The following STOX2 variants were observed in gnomAD, a reference collection of about 807,000 sequenced individuals.
STOX2 encodes the protein storkhead box 2, also known as storkhead-box protein 2.
A neutral mutation model predicts 60.9 loss-of-function variants in STOX2; 28 were observed. The observed-to-expected ratio is 0.46, with a 90% confidence interval of 0.34 to 0.63. The LOEUF (loss-of-function observed/expected upper bound fraction) is 0.63, where lower values mean the gene tolerates loss of function less well. Among genes scored for constraint, STOX2 ranks in the 30% least tolerant of loss-of-function variants. The probability of loss-of-function intolerance (pLI) is 0.01; values close to 1 mark genes in which losing one functional copy is unlikely to be tolerated. For missense variants in STOX2, 1,024 were observed against 1,187.7 expected, an observed-to-expected ratio of 0.86 and a Z score of 2.03; for synonymous variants, 472 against 463.9, an observed-to-expected ratio of 1.02 and a Z score of -0.22.
intron 1 of STOX2, among the ~76,000 whole-genome samples, chr4:183,953,965 G>T (rs531688696): frequency 6.6e-6 from 1 of 152,140 alleles, no homozygotes; most frequent in Non-Finnish European, 1.5e-5. Flanking sequence ...AGATGTATGC[G>T]ACATGAGTGA....
Position 183,985,838 on chromosome 4 carries a change from A to G in STOX2, c.167-15487A>G, listed in dbSNP as rs28572359. Among the ~76,000 whole-genome samples, 485 of 152,274 alleles carry G rather than the reference A, an allele frequency of 3.2e-3. 4 individuals are homozygous for G. The highest frequency in any genetic ancestry group is 0.011 in the African/African-American group (470 of 41,560). On this transcript the variant is annotated intron_variant, in intron 1 of 3. Coordinates refer to ENST00000308497, the MANE Select transcript of STOX2 (RefSeq NM_020225.3). ...AATACATTTGTTATATGCTTCCATC[A>G]TTGCATTCTTAAGGTGCGTGTGCTT...
intron 1 of STOX2, among the ~76,000 whole-genome samples, chr4:183,972,164 C>A (rs185899765): frequency 1.3e-4 from 20 of 152,324 alleles, no homozygotes; most frequent in African/African-American, 4.8e-4. Context: ...ACTGTGCGTG[C>A]TGGGGGAGGA....
chr4:183,997,789 T>C (rs1733409541), intron 1 of STOX2, among the ~76,000 whole-genome samples: 1 of 152,212 alleles, frequency 6.6e-6, no homozygotes, highest in South Asian at 2.1e-4. Flanking sequence ...AACATCCAAA[T>C]TCCATTTTGT....
intron 1 of STOX2, among the ~76,000 whole-genome samples, chr4:183,819,413 C>T (rs1474495795): frequency 2.0e-5 from 3 of 151,890 alleles, no homozygotes; most frequent in East Asian, 3.9e-4. Flanking sequence ...GGCATGGCGG[C>T]GCGCGCCCAC....
intron 1 of STOX2, among the ~76,000 whole-genome samples, chr4:183,807,077 A>C (rs1267275207): frequency 1.3e-5 from 2 of 151,822 alleles, no homozygotes; most frequent in Admixed American, 6.6e-5. Flanking sequence ...GGTTCACGCC[A>C]TTCTCCTGCT....
intron 1 of STOX2, among the ~76,000 whole-genome samples, chr4:183,802,910 C>T (rs930465567): frequency 2.8e-4 from 43 of 152,136 alleles, no homozygotes; most frequent in African/African-American, 5.8e-4. Flanking sequence ...CGTGAGCCAC[C>T]GCACCCGGCC....
chr4:183,906,447 C>T lies in STOX2; in HGVS notation c.-344C>T, dbSNP rs937680128. On this transcript the variant is annotated 5_prime_UTR_variant, in exon 1 of 4. Transcript: ENST00000308497. Reference sequence around the variant, plus strand: ...CTCCCATTGCCTTCACGCTGCAAGTCTCGGCGCCCCCACCCCGCCCGCCCC... The same window carrying T: ...CTCCCATTGCCTTCACGCTGCAAGTTTCGGCGCCCCCACCCCGCCCGCCCC... 1.2e-5 allele frequency: 2 copies of T among 168,942 alleles called. No individual in the cohort carries two copies. Among genetic ancestry groups the T allele is most frequent in the African/African-American group, 4.8e-5 (2 of 41,676 alleles). 10.5% of individuals were successfully genotyped at this position (168,942 alleles called of 1,614,324 possible).
chr4:183,964,889 G>A (rs1743518461), intron 1 of STOX2, among the ~76,000 whole-genome samples: 1 of 152,132 alleles, frequency 6.6e-6, no homozygotes, highest in Admixed American at 6.5e-5. Flanking sequence ...CAGCCAAATT[G>A]GTGAGTTTTT....
intron 1 of STOX2, among the ~76,000 whole-genome samples, chr4:183,884,608 A>G (rs910721680): frequency 2.0e-5 from 3 of 152,156 alleles, no homozygotes; most frequent in Admixed American, 6.5e-5. Context: ...GGCGTTTCTC[A>G]TTTCTTTGAC....
intron 1 of STOX2, among the ~76,000 whole-genome samples, chr4:183,917,488 T>A (rs1045023532): frequency 1.2e-4 from 18 of 152,254 alleles, no homozygotes; most frequent in Non-Finnish European, 2.5e-4. Flanking sequence ...GAGCTTGTGA[T>A]TGGAATGTGC....
chr4:183,928,676 A>G (rs1742315632), intron 1 of STOX2, among the ~76,000 whole-genome samples: 1 of 152,090 alleles, frequency 6.6e-6, no homozygotes, highest in South Asian at 2.1e-4. Context: ...GTGTATCTCC[A>G]CGGGCCTGTT....
chr4:183,861,703 AATATATG>A (rs1172285969), intron 1 of STOX2, among the ~76,000 whole-genome samples: 1 of 152,198 alleles, frequency 6.6e-6, no homozygotes, highest in African/African-American at 2.4e-5. Context: ...ACAATGCGAC[AATATATG>A]TAAAGTGCCT....
intron 1 of STOX2, among the ~76,000 whole-genome samples, chr4:183,863,612 T>C (rs1740500444): frequency 6.6e-6 from 1 of 152,210 alleles, no homozygotes; most frequent in Admixed American, 6.5e-5. Flanking sequence ...TGCGTGACGA[T>C]TGGCTTGTTC....
chr4:183,880,974 G>C (rs1302660139), intron 1 of STOX2, among the ~76,000 whole-genome samples: 4 of 152,156 alleles, frequency 2.6e-5, no homozygotes, highest in Admixed American at 2.6e-4. Flanking sequence ...GTTAACGTCT[G>C]TCTCATTGGC....
chr4:183,907,383 A>G (rs1741651778), intron 1 of STOX2, among the ~76,000 whole-genome samples: 1 of 152,196 alleles, frequency 6.6e-6, no homozygotes, highest in African/African-American at 2.4e-5. Context: ...TTCCATGCGC[A>G]GCTCTGGATG....
At chr4:183,879,855 T>C (rs1050275163) in intron 1 of STOX2, among the ~76,000 whole-genome samples, 1 of 151,904 alleles carries the variant, frequency 6.6e-6, no homozygotes, top group African/African-American at 2.4e-5. Context: ...GGATGGCGCA[T>C]GGCAATGAGA....
At position 183,982,092 on chromosome 4, in the gene STOX2, A is replaced by G. The variant is rs551571148; in HGVS notation, c.167-19233A>G. 6.6e-5 allele frequency among the ~76,000 whole-genome samples: 10 copies of G among 152,340 alleles called. No individual in the cohort carries two copies. In the East Asian group the frequency reaches 1.9e-3, roughly 29 times the overall value. On this transcript the variant is annotated intron_variant, in intron 1 of 3. Transcript: ENST00000308497. ...GTGCTAGTTCTGGTTTTGCTAGTAA[A>G]TCTTTGCAACCTGGGCAAGTCACCT...
intron 1 of STOX2, among the ~76,000 whole-genome samples, chr4:183,800,282 C>T (rs939071747): frequency 2.0e-5 from 3 of 151,944 alleles, no homozygotes; most frequent in Admixed American, 1.3e-4. Context: ...TATTCTGAGT[C>T]ACAATACACG....
chr4:183,857,245 T>TA (rs1740310102), intron 1 of STOX2, among the ~76,000 whole-genome samples: 1 of 149,520 alleles, frequency 6.7e-6, no homozygotes, highest in South Asian at 2.1e-4. Flanking sequence ...GGACTGGTCA[T>TA]CTCGCAGGAC....
Sources: allele counts gnomAD v4.1 joint callset (sites outside exome capture counted in the v4.1 genomes callset), GRCh38; gene constraint gnomAD v4.1.1; transcripts MANE v1.5; gene names NCBI Gene and HGNC (gene_info 2026-07-23, HGNC 2026-07-21).